TXNDC16: variants seen among roughly 807,000 people sequenced by gnomAD.
TXNDC16 encodes the protein thioredoxin domain containing 16, also known as thioredoxin domain-containing protein 16.
In TXNDC16, 74 loss-of-function variants were observed where a neutral mutation model predicts 85.6. The observed-to-expected ratio is 0.86, with a 90% CI of 0.72 to 1.05. TXNDC16 has a LOEUF of 1.05. Among genes scored for constraint, TXNDC16 ranks in the 50% least tolerant of loss-of-function variants. TXNDC16 has a pLI of 0.00. For synonymous variants in TXNDC16, 335 were observed against 326.5 expected (o/e 1.03, Z -0.28); for missense variants, 959 against 947.0 (o/e 1.01, Z -0.17).
chr14:52,440,857 G>T, intron 18 of TXNDC16, 133 bp from the exon 19 acceptor site: 1 of 739,788 alleles, frequency 1.4e-6, no homozygotes, highest in Non-Finnish European at 2.1e-6. Context: ...CTTAAGTAGA[G>T]ATTTTACTAT....
At chr14:52,494,142 GAT>G (rs60266134) in intron 9 of TXNDC16, among the ~76,000 whole-genome samples, 7 of 148,850 alleles carry the variant, frequency 4.7e-5, no homozygotes, top group Non-Finnish European at 4.5e-5. Context: ...TTTTAGGAAA[GAT>G]ATATATATAT....
intron 1 of TXNDC16, among the ~76,000 whole-genome samples, chr14:52,548,424 A>G (rs1413632583): frequency 6.6e-6 from 1 of 152,164 alleles, no homozygotes; most frequent in East Asian, 1.9e-4. Context: ...GATAATCACA[A>G]GAAACACTGC....
chr14:52,464,474 G>C (rs2035725632), intron 16 of TXNDC16, among the ~76,000 whole-genome samples: 1 of 152,138 alleles, frequency 6.6e-6, no homozygotes, highest in Non-Finnish European at 1.5e-5. Flanking sequence ...GAGGCCTAGT[G>C]TGAATAATAA....
At chr14:52,465,699 C>A (rs919904807) in intron 16 of TXNDC16, among the ~76,000 whole-genome samples, 2 of 151,076 alleles carry the variant, frequency 1.3e-5, no homozygotes, top group Non-Finnish European at 2.9e-5. Flanking sequence ...AGAAAAAACA[C>A]CCTATGTGTA....
At chr14:52,499,495 A>C (rs1566562173) in intron 9 of TXNDC16, among the ~76,000 whole-genome samples, 1 of 152,142 alleles carries the variant, frequency 6.6e-6, no homozygotes, top group Non-Finnish European at 1.5e-5. Context: ...TTTCCAAAGA[A>C]GATACACAAA....
At chr14:52,502,304 T>C (rs571200933) in intron 9 of TXNDC16, among the ~76,000 whole-genome samples, 9 of 152,360 alleles carry the variant, frequency 5.9e-5, no homozygotes, top group African/African-American at 1.4e-4. Context: ...TCTGTGAAAG[T>C]GTTGAAGCAA....
chr14:52,467,329 G>A (rs756776057), intron 16 of TXNDC16, among the ~76,000 whole-genome samples: 66 of 152,262 alleles, frequency 4.3e-4, no homozygotes, highest in Non-Finnish European at 9.1e-4. Context: ...TCTATGGAAT[G>A]AGAGAAAATA....
chr14:52,483,549 C>T (rs2036197967), intron 12 of TXNDC16, among the ~76,000 whole-genome samples: 1 of 152,078 alleles, frequency 6.6e-6, no homozygotes, highest in South Asian at 2.1e-4. Flanking sequence ...ACATACAAGG[C>T]TGAGGGAAGG....
rs566035609 is a variant in TXNDC16 at position 52,447,621 on chromosome 14, C to T, written c.1843-6897G>A. On this transcript the variant is annotated intron_variant, in intron 18 of 20. Coordinates refer to ENST00000281741, the MANE Select transcript of TXNDC16 (RefSeq NM_020784.3). ...AAGTAAGAGAAGAGAACACCTTTAACGCCCAGACACAGACAAACATCCAAC... is the reference window on the plus strand; with the variant it reads ...AAGTAAGAGAAGAGAACACCTTTAATGCCCAGACACAGACAAACATCCAAC... 2.6e-5 allele frequency among the ~76,000 whole-genome samples: 4 copies of T among 152,084 alleles called. 1 individual carries two copies. Among genetic ancestry groups the T allele is most frequent in the South Asian group, 4.1e-4 (2 of 4,822 alleles).
intron 4 of TXNDC16, among the ~76,000 whole-genome samples, chr14:52,537,939 A>G (rs2037741091): frequency 6.6e-6 from 1 of 152,220 alleles, no homozygotes; most frequent in Non-Finnish European, 1.5e-5. Context: ...GGCAAGACAA[A>G]AAGTATGAGC....
chr14:52,482,335 A>AT, intron 13 of TXNDC16, 46 bp from the exon 14 acceptor site: 1 of 1,477,536 alleles, frequency 6.8e-7, no homozygotes, highest in Non-Finnish European at 9.4e-7. Context: ...GTATATCTAC[A>AT]AAGCATCCAC....
rs1297272264 is a variant in TXNDC16 at position 52,493,500 on chromosome 14, TTAAA to T, written c.757-2499_757-2496del. Among the ~76,000 whole-genome samples the T allele has an allele frequency of 5.9e-5, 9 of 151,786 alleles. No individual in the cohort carries two copies. In the East Asian group the frequency reaches 1.2e-3, roughly 20 times the overall value. On this transcript the variant is annotated intron_variant, in intron 9 of 20. Coordinates refer to ENST00000281741, the MANE Select transcript of TXNDC16 (RefSeq NM_020784.3). ...ATCCATAAAGAATTGAAAAATAAAGTTAAATAAATCTCCCAGAAAGCACAACAGA... is the reference window on the plus strand; with the variant it reads ...ATCCATAAAGAATTGAAAAATAAAGTTAAATCTCCCAGAAAGCACAACAGA...
intron 12 of TXNDC16, among the ~76,000 whole-genome samples, chr14:52,483,684 C>G (rs2036201007): frequency 6.6e-6 from 1 of 152,158 alleles, no homozygotes; most frequent in African/African-American, 2.4e-5. Context: ...CAAAAAGCCT[C>G]AAGTTATGAG....
intron 9 of TXNDC16, among the ~76,000 whole-genome samples, chr14:52,510,422 T>C (rs1383118546): frequency 6.6e-6 from 1 of 152,190 alleles, no homozygotes; most frequent in Non-Finnish European, 1.5e-5. Context: ...TTTCTTCTAT[T>C]AAACTCAAAT....
At chr14:52,545,265 A>G (rs190111084) in intron 1 of TXNDC16, among the ~76,000 whole-genome samples, 91 of 152,266 alleles carry the variant, frequency 6.0e-4, no homozygotes, top group African/African-American at 2.2e-3. Flanking sequence ...CAAAGGTCTA[A>G]CCATACAGCC....
At chr14:52,543,127 A>G (rs566939447) in intron 3 of TXNDC16, among the ~76,000 whole-genome samples, 1 of 152,286 alleles carries the variant, frequency 6.6e-6, no homozygotes, top group East Asian at 1.9e-4. Context: ...TCAGCATATA[A>G]GTAAAATCAT....
intron 9 of TXNDC16, among the ~76,000 whole-genome samples, chr14:52,500,222 T>C (rs2036624478): frequency 6.6e-6 from 1 of 152,140 alleles, no homozygotes; most frequent in South Asian, 2.1e-4. Context: ...TATCAATGGA[T>C]GAATGGATAA....
At chr14:52,551,510 T>C (rs996872485) in intron 1 of TXNDC16, among the ~76,000 whole-genome samples, 1 of 148,910 alleles carries the variant, frequency 6.7e-6, no homozygotes, top group South Asian at 2.1e-4. Context: ...CAAAGGATGG[T>C]GAGGTAAGAA....
intron 6 of TXNDC16, among the ~76,000 whole-genome samples, chr14:52,523,196 G>A (rs971156643): frequency 6.6e-6 from 1 of 152,190 alleles, no homozygotes; most frequent in African/African-American, 2.4e-5. Flanking sequence ...TTGCTCTGTT[G>A]ATGGGGTAAA....
Sources: gnomAD v4.1 joint callset for allele counts (sites outside exome capture counted in the v4.1 genomes callset) on GRCh38, gnomAD v4.1.1 for gene constraint, MANE v1.5 for transcripts, NCBI Gene and HGNC (gene_info 2026-07-23, HGNC 2026-07-21) for gene names.